The following CCDC170 variants were observed in gnomAD, a reference collection of about 807,000 sequenced individuals.
CCDC170 encodes coiled-coil domain containing 170.
In CCDC170, 69 loss-of-function variants were observed where a neutral mutation model predicts 72.6. That is an observed-to-expected ratio of 0.95 (90% CI 0.78 to 1.16). The LOEUF is 1.16. CCDC170 is among the 50% of genes most tolerant of loss of function. The pLI is 0.00. For missense variants in CCDC170, 852 were observed against 832.5 expected (o/e 1.02, Z -0.29); for synonymous variants, 300 against 303.9 (o/e 0.99, Z 0.13).
intron 1 of CCDC170, among the ~76,000 whole-genome samples, chr6:151,527,853 T>A (rs991170624): frequency 5.3e-5 from 8 of 152,084 alleles, no homozygotes; most frequent in Admixed American, 6.6e-5. Flanking sequence ...TGGAATGGAT[T>A]TAGGAGCTTT....
intron 1 of CCDC170, among the ~76,000 whole-genome samples, chr6:151,533,952 C>T (rs1197372630): frequency 6.6e-6 from 1 of 152,190 alleles, no homozygotes; most frequent in East Asian, 1.9e-4. Flanking sequence ...ACCTTCTAAA[C>T]TCACTCATCA....
rs1776569280 is a variant in CCDC170 at position 151,593,187 on chromosome 6, G to A, written c.1374G>A (p.Leu458=). ...CCGAACTTGGCTTTGACATGCGGCTGGACGTGGTTTTAGCTCGAACAGAGC... is the reference window on the plus strand; with the variant it reads ...CCGAACTTGGCTTTGACATGCGGCTAGACGTGGTTTTAGCTCGAACAGAGC... ...MAAELGFDMR[L]DVVLARTEQL... Residue 458 remains leucine, a synonymous_variant, in exon 8 of 11, where the codon CTG becomes CTA. Coordinates refer to ENST00000239374, the MANE Select transcript of CCDC170 (RefSeq NM_025059.4). 1.9e-6 allele frequency: 3 copies of A among 1,614,168 alleles called. No homozygotes were observed. The highest frequency in any genetic ancestry group is 2.5e-6 in the Non-Finnish European group (3 of 1,180,038).
intron 1 of CCDC170, among the ~76,000 whole-genome samples, chr6:151,535,037 A>G (rs1375485273): frequency 6.6e-6 from 1 of 152,232 alleles, no homozygotes; most frequent in Non-Finnish European, 1.5e-5. Flanking sequence ...TGAAGGAAGC[A>G]GGCATATGGC....
chr6:151,540,340 T>C lies in CCDC170; in HGVS notation c.443+2039T>C, dbSNP rs937283626. Among the ~76,000 whole-genome samples, 3 of 137,314 alleles carry C rather than the reference T, an allele frequency of 2.2e-5. 1 individual carries two copies. In the South Asian group the frequency reaches 8.0e-4, roughly 37 times the overall value. 90.1% of individuals were successfully genotyped at this position (137,314 alleles called of 152,430 possible). On this transcript the variant is annotated intron_variant, in intron 3 of 10. Transcript: ENST00000239374. ...CTCCTCCTCCTCCTCTTCCTTCCTC[T>C]TCCTCCTCCTCCTCCTCCTTCTTCT...
In CCDC170 at chr6:151,590,843, C is replaced by G. The variant is rs534922078; in HGVS notation, c.1294-2264C>G. ...AAATAGAAAGAAAGAGGGTTTCATA[C>G]CGTCATGTAATAGGTACTTATCTAT... is the stretch of plus-strand genomic sequence containing the variant. On this transcript the variant is annotated intron_variant, in intron 7 of 10. Transcript: ENST00000239374. Among the ~76,000 whole-genome samples the G allele has an allele frequency of 2.2e-4, 34 of 152,274 alleles. No individual in the cohort carries two copies. In the South Asian group the frequency reaches 6.8e-3, roughly 31 times the overall value.
At chr6:151,579,395 C>T (rs1233590383) in intron 6 of CCDC170, among the ~76,000 whole-genome samples, 2 of 152,188 alleles carry the variant, frequency 1.3e-5, no homozygotes, top group African/African-American at 4.8e-5. Flanking sequence ...GTCATGTGCA[C>T]TGACACCTAA....
chr6:151,548,579 T>A, intron 5 of CCDC170, 90 bp downstream of exon 5: 3 of 1,156,540 alleles, frequency 2.6e-6, no homozygotes, highest in Non-Finnish European at 3.4e-6. Flanking sequence ...GCCCTAGAAC[T>A]ACTGATTACG....
rs142145849 is a variant in CCDC170, at chr6:151,577,773, C to A, written c.1092+4282C>A. Among the ~76,000 whole-genome samples the A allele has an allele frequency of 6.6e-3, 1,012 of 152,322 alleles. 15 individuals carry two copies. Among genetic ancestry groups the A allele is most frequent in the African/African-American group, 0.023 (959 of 41,576 alleles). ...ATTGCTTCCTGAGTTCACCTCCTGT[C>A]AGATCAGCAGCGGCATTAGATTCTC... On this transcript the variant is annotated intron_variant, in intron 6 of 10. Transcript: ENST00000239374.
At chr6:151,516,800 G>A (rs551485921) in intron 1 of CCDC170, among the ~76,000 whole-genome samples, 4 of 152,202 alleles carry the variant, frequency 2.6e-5, no homozygotes, top group African/African-American at 4.8e-5. Context: ...TACCTAGTGC[G>A]TGGGGAAGGC....
At chr6:151,558,557 T>A (rs1373420529) in intron 5 of CCDC170, among the ~76,000 whole-genome samples, 1 of 152,224 alleles carries the variant, frequency 6.6e-6, no homozygotes, top group Non-Finnish European at 1.5e-5. Flanking sequence ...CATCTTGAAT[T>A]GATTTTTGTG....
At chr6:151,527,220 A>C (rs1206209285) in intron 1 of CCDC170, among the ~76,000 whole-genome samples, 1 of 152,032 alleles carries the variant, frequency 6.6e-6, no homozygotes, top group African/African-American at 2.4e-5. Context: ...TTTTAACTGA[A>C]TAAGAGTAAC....
At position 151,618,204 on chromosome 6, in the gene CCDC170, A is replaced by G; in HGVS notation, c.*57A>G. ...GACATGGCACACAATTCCCAATTTC[A>G]CAAATTCCTCATGTCTTTGAGATTT... On this transcript the variant is annotated 3_prime_UTR_variant, in exon 11 of 11. Coordinates refer to ENST00000239374, the MANE Select transcript of CCDC170 (RefSeq NM_025059.4). 4 of 1,426,746 alleles carry G rather than the reference A, an allele frequency of 2.8e-6. No individual in the cohort carries two copies. Among genetic ancestry groups the G allele is most frequent in the Non-Finnish European group, 3.9e-6 (4 of 1,020,192 alleles). 88.4% of individuals were successfully genotyped at this position (1,426,746 alleles called of 1,614,324 possible). A position where few individuals can be genotyped will look rare whatever the true frequency, so the allele number is the denominator to read the frequency against.
chr6:151,593,111 T>C lies in CCDC170; in HGVS notation c.1298T>C (p.Leu433Pro), dbSNP rs1178377544. Residue 433 changes from leucine (L) to proline (P), a missense_variant, in exon 8 of 11, where the codon CTT becomes CCT. Leu to Pro is a moderately conservative substitution (Grantham distance 98). Transcript: ENST00000239374. The part of the protein sequence containing the change: ...DNLNFEKQKY[L>P]KFLDQLSQKM... ...TGTTTCTGTTCTTGGGTTTAGTATC[T>C]TAAATTTCTGGATCAGCTTTCTCAG... 2 of 1,614,186 alleles carry C rather than the reference T, an allele frequency of 1.2e-6. No individual in the cohort carries two copies. The highest frequency in any genetic ancestry group is 2.2e-5 in the East Asian group (1 of 44,872).
At chr6:151,566,499 A>T (rs1414666029) in intron 5 of CCDC170, among the ~76,000 whole-genome samples, 2 of 152,192 alleles carry the variant, frequency 1.3e-5, no homozygotes, top group East Asian at 3.9e-4. Flanking sequence ...AAAATTATTT[A>T]AATTCTATAA....
intron 5 of CCDC170, among the ~76,000 whole-genome samples, chr6:151,572,816 A>G (rs1474742524): frequency 1.3e-5 from 2 of 151,140 alleles, no homozygotes; most frequent in African/African-American, 4.9e-5. Context: ...TGCCCCGCTA[A>G]GTTTTGTATT....
intron 9 of CCDC170, among the ~76,000 whole-genome samples, chr6:151,602,306 T>A (rs934025041): frequency 1.3e-5 from 2 of 152,228 alleles, no homozygotes; most frequent in African/African-American, 4.8e-5. Context: ...ATAATTTTAT[T>A]ATATTTACAA....
chr6:151,571,723 G>A (rs558417489), intron 5 of CCDC170, among the ~76,000 whole-genome samples: 48 of 147,318 alleles, frequency 3.3e-4, no homozygotes, highest in Admixed American at 9.1e-4. Flanking sequence ...GTGAAACTCC[G>A]TCCCGGGAGA....
chr6:151,573,470 C>A lies in CCDC170; in HGVS notation c.1071C>A (p.Ser357Arg), dbSNP rs748873780. ...TGGAGAAGATTCGAGAAATGGACAG[C>A]CGGGAAGAAAGCAGGGACCGGGTGA... ...TILEKIREMD[S>R]REESRDRMVS... Residue 357 changes from serine (S) to arginine (R), a missense_variant, in exon 6 of 11, where the codon AGC becomes AGA. Ser to Arg is a moderately radical substitution (Grantham distance 110). Transcript: ENST00000239374. 3.1e-6 allele frequency: 5 copies of A among 1,613,596 alleles called. No individual in the cohort carries two copies. Among genetic ancestry groups the A allele is most frequent in the African/African-American group, 1.3e-5 (1 of 74,890 alleles).
At chr6:151,592,217 A>G (rs1450200487) in intron 7 of CCDC170, among the ~76,000 whole-genome samples, 1 of 152,028 alleles carries the variant, frequency 6.6e-6, no homozygotes, top group East Asian at 1.9e-4. Flanking sequence ...AAAATTAGCC[A>G]GGCATGGTGG....
Sources: gnomAD v4.1 joint callset for allele counts (sites outside exome capture counted in the v4.1 genomes callset) on GRCh38, gnomAD v4.1.1 for gene constraint, MANE v1.5 for transcripts, NCBI Gene and HGNC (gene_info 2026-07-23, HGNC 2026-07-21) for gene names.